FLNB: variants seen among roughly 807,000 people sequenced by gnomAD.
FLNB encodes filamin-B.
A neutral mutation model predicts 250.6 loss-of-function variants in FLNB; 111 were observed. That is an observed-to-expected ratio of 0.44 (90% confidence interval 0.38 to 0.52). The LOEUF (loss-of-function observed/expected upper bound fraction) is 0.52. Ranked by LOEUF, FLNB falls within the 20% of genes least tolerant of loss-of-function variation. The pLI is 0.00. For synonymous variants in FLNB, 1,302 were observed against 1,372.1 expected, an observed-to-expected ratio of 0.95 and a Z score of 1.13; for missense variants, 2,869 against 3,447.8, an observed-to-expected ratio of 0.83 and a Z score of 4.20.
At chr3:58,153,332 G>A (rs1290531601) in intron 38 of FLNB, 43 bp from the exon 39 acceptor site, 1 of 1,612,848 alleles carries the variant, frequency 6.2e-7, no homozygotes, top group Non-Finnish European at 8.5e-7. Flanking sequence ...TCAGGCCCTT[G>A]CCCTAACCCT....
At chr3:58,039,621 A>T (rs1576620746) in intron 1 of FLNB, among the ~76,000 whole-genome samples, 1 of 152,204 alleles carries the variant, frequency 6.6e-6, no homozygotes, top group Non-Finnish European at 1.5e-5. Flanking sequence ...ACTAGAAGGA[A>T]CAGAACTAGC....
In FLNB at chr3:58,081,765, C is replaced by T. The variant is rs376619286; in HGVS notation, c.776C>T (p.Ala259Val). The change falls in exon 4 of 46, where the codon GCC becomes GTC. Residue 259 changes from alanine (A) to valine (V), a missense_variant. Around this residue, in one of 5 missense-constraint regions of FLNB, gnomAD observed 308 missense variants for 466.1 expected, o/e 0.66. Transcript: ENST00000295956. ...AAACTCAACCCGAAGAAAGCCAGGG[C>T]CTATGGCAGAGGTGAGTGCTGGTCC... ...KPKLNPKKAR[A>V]YGRGIEPTGN... 49 of 1,614,000 alleles carry T rather than the reference C, an allele frequency of 3.0e-5. No homozygotes were observed. Among genetic ancestry groups the T allele is most frequent in the Non-Finnish European group, 3.8e-5 (45 of 1,180,024 alleles).
At chr3:58,071,143 G>T (rs911105618) in intron 1 of FLNB, among the ~76,000 whole-genome samples, 1 of 151,562 alleles carries the variant, frequency 6.6e-6, no homozygotes. Context: ...GTAGGGACAG[G>T]GTGTCCCTAT....
At chr3:58,156,157 C>G in intron 41 of FLNB, 82 bp downstream of exon 41, 1 of 1,036,748 alleles carries the variant, frequency 9.6e-7, no homozygotes. Flanking sequence ...TTCAATGTCC[C>G]CTTAGGTGCT....
intron 1 of FLNB, among the ~76,000 whole-genome samples, chr3:58,051,394 C>T (rs2097162060): frequency 6.6e-6 from 1 of 152,234 alleles, no homozygotes; most frequent in Non-Finnish European, 1.5e-5. Context: ...CTGAAGGAGG[C>T]TTTGCGCAAT....
Position 58,134,591 on chromosome 3 carries a change from GGT to G in FLNB, c.4515-10_4515-9del, listed in dbSNP as rs151085835. On this transcript the variant is annotated intron_variant, in intron 26 of 45. Coordinates refer to ENST00000295956, the MANE Select transcript of FLNB (RefSeq NM_001457.4). ...GTTGACATGTATCTTTATTGACTAG[GGT>G]GTGTGTGTGTGTGTCTATCAAGTCC... is the stretch of plus-strand genomic sequence containing the variant. The G allele has an allele frequency of 1.2e-3, 1,720 of 1,466,518 alleles. No homozygotes were observed. The highest frequency in any genetic ancestry group is 1.3e-3 in the Non-Finnish European group (1,371 of 1,072,622). The allele number at this position is 1,466,518 out of a possible 1,614,324, so 90.8% of individuals were successfully genotyped here. A position where few individuals can be genotyped will look rare whatever the true frequency, so the allele number is the denominator to read the frequency against.
At chr3:58,132,407 A>G (rs2097308959) in intron 25 of FLNB, 3 of 401,826 alleles carry the variant, frequency 7.5e-6, no homozygotes. Context: ...GCTCTTCACA[A>G]TTCTGGACTC....
At chr3:58,012,827 G>A (rs549816922) in intron 1 of FLNB, among the ~76,000 whole-genome samples, 3 of 152,318 alleles carry the variant, frequency 2.0e-5, no homozygotes, top group Admixed American at 1.3e-4. Flanking sequence ...TGTATGCTTT[G>A]GATAAGACCA....
chr3:58,136,880 C>T (rs1264530830), intron 28 of FLNB, among the ~76,000 whole-genome samples: 2 of 151,112 alleles, frequency 1.3e-5, no homozygotes, highest in African/African-American at 2.4e-5. Context: ...CGACCATGCC[C>T]GGCTAAGTTT....
intron 38 of FLNB, chr3:58,152,860 C>A: frequency 3.2e-6 from 2 of 632,778 alleles, no homozygotes; most frequent in South Asian, 1.7e-5. Context: ...ATGACGTGAG[C>A]AGCTCACGGA....
intron 1 of FLNB, among the ~76,000 whole-genome samples, chr3:58,020,990 T>G (rs2097113210): frequency 6.6e-6 from 1 of 152,054 alleles, no homozygotes; most frequent in Non-Finnish European, 1.5e-5. Flanking sequence ...AGGAAAGGTT[T>G]CTTGGTGGCT....
chr3:58,078,399 C>T, intron 2 of FLNB: 1 of 1,528,938 alleles, frequency 6.5e-7, no homozygotes, highest in Non-Finnish European at 8.7e-7. Context: ...AAAATAAAAT[C>T]CCTCCTGCAT....
At chr3:58,114,026 C>T (rs2097273596) in intron 18 of FLNB, among the ~76,000 whole-genome samples, 1 of 151,998 alleles carries the variant, frequency 6.6e-6, no homozygotes, top group Non-Finnish European at 1.5e-5. Flanking sequence ...CCTATATGTC[C>T]TCCATGTTGT....
At chr3:58,067,203 T>G (rs2097186837) in intron 1 of FLNB, among the ~76,000 whole-genome samples, 3 of 147,846 alleles carry the variant, frequency 2.0e-5, no homozygotes, top group Non-Finnish European at 4.5e-5. Flanking sequence ...TTTTTTTTTT[T>G]GCTGAATCCA....
chr3:58,097,929 G>A lies in FLNB; in HGVS notation c.1099G>A (p.Val367Ile). 1 of 1,614,180 alleles carries A rather than the reference G, an allele frequency of 6.2e-7. No homozygotes were observed. The highest frequency in any genetic ancestry group is 8.5e-7 in the Non-Finnish European group (1 of 1,180,014). ...VTAKGPGLEAVGNIANKPTYF... is the reference protein window; with the variant it reads ...VTAKGPGLEAIGNIANKPTYF... ...TGCAAAAGGTCCAGGGTTGGAAGCTGTAGGGAACATCGCCAATAAGCCCAC... is the reference window on the plus strand; with the variant it reads ...TGCAAAAGGTCCAGGGTTGGAAGCTATAGGGAACATCGCCAATAAGCCCAC... The change falls in exon 7 of 46, where the codon GTA becomes ATA. Residue 367 changes from valine to isoleucine, a missense_variant. By Grantham distance (29) the Val-to-Ile change is conservative. Coordinates refer to ENST00000295956, the MANE Select transcript of FLNB (RefSeq NM_001457.4).
At chr3:58,144,426 C>T (rs187686387) in intron 32 of FLNB, among the ~76,000 whole-genome samples, 9 of 152,298 alleles carry the variant, frequency 5.9e-5, no homozygotes, top group Admixed American at 2.0e-4. Context: ...TCCATGCAAA[C>T]GGAAATACAG....
chr3:58,117,261 A>G (rs1201269508), intron 18 of FLNB, among the ~76,000 whole-genome samples: 1 of 152,166 alleles, frequency 6.6e-6, no homozygotes, highest in African/African-American at 2.4e-5. Context: ...TAGGCATTGT[A>G]GGTGTAAATC....
chr3:58,099,832 G>A (rs886431495), intron 8 of FLNB, among the ~76,000 whole-genome samples: 1 of 152,164 alleles, frequency 6.6e-6, no homozygotes, highest in African/African-American at 2.4e-5. Context: ...GAAACTCTGT[G>A]CAGGTGTTAT....
At chr3:58,141,097 AT>A (rs2097326245) in intron 29 of FLNB, among the ~76,000 whole-genome samples, 1 of 151,910 alleles carries the variant, frequency 6.6e-6, no homozygotes, top group Non-Finnish European at 1.5e-5. Flanking sequence ...AAAAAAAAAA[AT>A]AATAATTAGC....
Sources: gnomAD v4.1 joint callset for allele counts (sites outside exome capture counted in the v4.1 genomes callset) on GRCh38, gnomAD v4.1.1 for gene constraint, gnomAD v4.1.1 regional missense constraint, MANE v1.5 for transcripts, NCBI Gene and HGNC (gene_info 2026-07-23, HGNC 2026-07-21) for gene names.